EEPD1: variants seen among roughly 807,000 people sequenced by gnomAD.
The protein encoded by EEPD1 is endonuclease/exonuclease/phosphatase family domain containing 1, also known as endonuclease/exonuclease/phosphatase family domain-containing protein 1.
EEPD1 carries 17 observed loss-of-function variants against 46.3 expected under a neutral mutation model. The ratio of observed to expected loss-of-function variants is 0.37; its 90% CI spans 0.25 to 0.55. The LOEUF (loss-of-function observed/expected upper bound fraction) is 0.55, where lower values mean the gene tolerates loss of function less well. Among genes scored for constraint, EEPD1 ranks in the 20% least tolerant of loss-of-function variants. The pLI is 0.83. For missense variants in EEPD1, 673 were observed against 745.6 expected (o/e 0.90, Z 1.13); for synonymous variants, 313 against 315.6 (o/e 0.99, Z 0.09).
chr7:36,205,350 GACAA>G (rs2115711852), intron 2 of EEPD1, among the ~76,000 whole-genome samples: 1 of 152,314 alleles, frequency 6.6e-6, no homozygotes, highest in East Asian at 1.9e-4. Context: ...TCATTTAATA[GACAA>G]ACAATGTAAG....
chr7:36,213,066 T>C (rs1214183613), intron 2 of EEPD1, among the ~76,000 whole-genome samples: 1 of 152,200 alleles, frequency 6.6e-6, no homozygotes, highest in Non-Finnish European at 1.5e-5. Flanking sequence ...GGCAGGAGAA[T>C]GGCTTGTACC....
intron 2 of EEPD1, among the ~76,000 whole-genome samples, chr7:36,167,206 C>T (rs2700911): frequency 0.14 from 21,875 of 152,100 alleles, 2,071 homozygotes; most frequent in Non-Finnish European, 0.22. Flanking sequence ...TTCTGAAGTA[C>T]TGGGGATTAG....
intron 6 of EEPD1, among the ~76,000 whole-genome samples, chr7:36,288,758 T>A (rs1335641749): frequency 2.1e-5 from 3 of 139,536 alleles, no homozygotes; most frequent in African/African-American, 8.2e-5. Context: ...CAAGACCCCA[T>A]CTCTTAAAAA....
intron 3 of EEPD1, among the ~76,000 whole-genome samples, chr7:36,244,531 A>G (rs1786605316): frequency 6.6e-6 from 1 of 152,168 alleles, no homozygotes; most frequent in African/African-American, 2.4e-5. Flanking sequence ...TTAGGTAGAC[A>G]GCCTTCCCAT....
At chr7:36,296,449 T>C (rs1224979591) in intron 6 of EEPD1, among the ~76,000 whole-genome samples, 1 of 152,186 alleles carries the variant, frequency 6.6e-6, no homozygotes, top group Non-Finnish European at 1.5e-5. Context: ...CAAGCACTTC[T>C]GTGCATCCTC....
At chr7:36,228,831 G>C (rs1285758271) in intron 2 of EEPD1, 2 of 152,206 alleles carry the variant, frequency 1.3e-5, no homozygotes, top group East Asian at 3.8e-4. Context: ...AGAAATGAAA[G>C]GGGACTATTC....
At chr7:36,286,362 C>G (rs1191778644) in intron 5 of EEPD1, among the ~76,000 whole-genome samples, 2 of 152,234 alleles carry the variant, frequency 1.3e-5, no homozygotes, top group Non-Finnish European at 2.9e-5. Context: ...CTGCAGAGCT[C>G]TTGGTCCTGG....
rs760216465 is a variant in EEPD1 at position 36,299,124 on chromosome 7, A to G, written c.1628A>G (p.Asp543Gly). Reference sequence around the variant, plus strand: ...CTAGCCGAGTTCTACACTGAAAAGGACTGGAGCAAGAAGGATGCCCCTCGG... The same window carrying G: ...CTAGCCGAGTTCTACACTGAAAAGGGCTGGAGCAAGAAGGATGCCCCTCGG... Reference protein sequence around the residue: ...PVLAEFYTEKDWSKKDAPRNG... With the variant: ...PVLAEFYTEKGWSKKDAPRNG... The change falls in exon 8 of 8, where the codon GAC becomes GGC. Residue 543 changes from aspartate to glycine, a missense_variant. Coordinates refer to ENST00000242108, the MANE Select transcript of EEPD1 (RefSeq NM_030636.3). The G allele has an allele frequency of 4.3e-6, 7 of 1,611,520 alleles. No homozygotes were observed. The highest frequency in any genetic ancestry group is 5.9e-6 in the Non-Finnish European group (7 of 1,177,870).
chr7:36,250,429 A>G (rs995236826), intron 3 of EEPD1, among the ~76,000 whole-genome samples: 8 of 152,210 alleles, frequency 5.3e-5, no homozygotes, highest in African/African-American at 1.9e-4. Context: ...TGAGTGGCCC[A>G]GAATCCTGCA....
chr7:36,194,764 T>C (rs1785547743), intron 2 of EEPD1, among the ~76,000 whole-genome samples: 1 of 152,184 alleles, frequency 6.6e-6, no homozygotes, highest in Non-Finnish European at 1.5e-5. Context: ...TGGTTCTTCA[T>C]TGGGCCTCCA....
Position 36,299,673 on chromosome 7 carries a change from C to T in EEPD1, c.*467C>T, listed in dbSNP as rs191011286. On this transcript the variant is annotated 3_prime_UTR_variant, in exon 8 of 8. Coordinates refer to ENST00000242108, the MANE Select transcript of EEPD1 (RefSeq NM_030636.3). Reference sequence around the variant, plus strand: ...TGTGATCAGGCACTCTGCTCAGATACATTGAGTGGCGATTTTTAGTTTTGT... The same window carrying T: ...TGTGATCAGGCACTCTGCTCAGATATATTGAGTGGCGATTTTTAGTTTTGT... 4.2e-4 allele frequency: 68 copies of T among 162,396 alleles called. No homozygotes were observed. Among genetic ancestry groups the T allele is most frequent in the Admixed American group, 1.8e-3 (29 of 16,342 alleles). 10.1% of individuals were successfully genotyped at this position (162,396 alleles called of 1,614,324 possible). A position where few individuals can be genotyped will look rare whatever the true frequency, so the allele number is the denominator to read the frequency against.
At chr7:36,166,268 T>C (rs995283194) in intron 2 of EEPD1, among the ~76,000 whole-genome samples, 3 of 152,252 alleles carry the variant, frequency 2.0e-5, no homozygotes, top group Non-Finnish European at 4.4e-5. Flanking sequence ...GTCTCCTGAA[T>C]TTGTAACAAA....
intron 3 of EEPD1, among the ~76,000 whole-genome samples, chr7:36,264,307 A>G (rs1439945361): frequency 6.6e-6 from 1 of 152,188 alleles, no homozygotes; most frequent in Non-Finnish European, 1.5e-5. Flanking sequence ...TCAGGACGAT[A>G]GACATGGATT....
At chr7:36,287,556 A>G in intron 5 of EEPD1, 83 bp from the exon 6 acceptor site, 1 of 1,536,002 alleles carries the variant, frequency 6.5e-7, no homozygotes, top group Non-Finnish European at 8.8e-7. Context: ...CTGTGCACAA[A>G]GCTATTTATG....
chr7:36,173,325 T>TAAAA (rs34007011), intron 2 of EEPD1, among the ~76,000 whole-genome samples: 14 of 103,614 alleles, frequency 1.4e-4, no homozygotes, highest in Admixed American at 3.3e-4. Flanking sequence ...CGTTTATACT[T>TAAAA]AAAAAAAAAA....
At chr7:36,191,366 G>A (rs1288999786) in intron 2 of EEPD1, among the ~76,000 whole-genome samples, 1 of 152,224 alleles carries the variant, frequency 6.6e-6, no homozygotes, top group Non-Finnish European at 1.5e-5. Context: ...TAAGCATGGA[G>A]GAGAGTGTAT....
chr7:36,287,584 A>T (rs1787359876), intron 5 of EEPD1, 55 bp from the exon 6 acceptor site: 1 of 1,584,486 alleles, frequency 6.3e-7, no homozygotes, highest in African/African-American at 1.4e-5. Flanking sequence ...TGTAACGGAT[A>T]CAGGAAATAT....
chr7:36,210,236 T>C (rs1038577979), intron 2 of EEPD1, among the ~76,000 whole-genome samples: 1 of 152,170 alleles, frequency 6.6e-6, no homozygotes, highest in African/African-American at 2.4e-5. Flanking sequence ...TCAAACTTGT[T>C]ACTGATGGGT....
chr7:36,157,918 C>T (rs970912727), intron 2 of EEPD1, among the ~76,000 whole-genome samples: 1 of 152,106 alleles, frequency 6.6e-6, no homozygotes, highest in African/African-American at 2.4e-5. Context: ...CCAATTGTTC[C>T]CGTATTAGTA....
Sources: gnomAD v4.1 joint callset for allele counts (sites outside exome capture counted in the v4.1 genomes callset) on GRCh38, gnomAD v4.1.1 for gene constraint, MANE v1.5 for transcripts, NCBI Gene and HGNC (gene_info 2026-07-23, HGNC 2026-07-21) for gene names.